LRMDA: variants seen among roughly 807,000 people sequenced by gnomAD.
The protein encoded by LRMDA is leucine-rich melanocyte differentiation-associated protein.
A neutral mutation model predicts 29.8 loss-of-function variants in LRMDA; 18 were observed. The observed-to-expected ratio is 0.60, with a 90% CI of 0.42 to 0.90. The LOEUF is 0.90. LRMDA is among the 40% of genes least tolerant of loss of function. The probability of loss-of-function intolerance (pLI) is 0.00; values close to 1 mark genes in which losing one functional copy is unlikely to be tolerated. For synonymous variants in LRMDA, 125 were observed against 109.4 expected (o/e 1.14, Z -0.89); for missense variants, 273 against 273.9 (o/e 1.00, Z 0.02).
chr10:75,545,352 T>G (rs189577393), intron 2 of LRMDA, among the ~76,000 whole-genome samples: 1 of 152,088 alleles, frequency 6.6e-6, no homozygotes, highest in Non-Finnish European at 1.5e-5. Flanking sequence ...AGAAAAAAAT[T>G]TGAGAATTGT....
chr10:75,959,549 A>G (rs1208057613), intron 2 of LRMDA, among the ~76,000 whole-genome samples: 1 of 152,168 alleles, frequency 6.6e-6, no homozygotes, highest in Non-Finnish European at 1.5e-5. Flanking sequence ...ACTTCTGTAT[A>G]TAATAACTTC....
chr10:75,516,519 T>C (rs1186008416), intron 2 of LRMDA, among the ~76,000 whole-genome samples: 1 of 152,214 alleles, frequency 6.6e-6, no homozygotes, highest in Non-Finnish European at 1.5e-5. Context: ...GAAGTGTCTG[T>C]TCATATCCTT....
At chr10:76,061,076 A>C in intron 5 of LRMDA, among the ~76,000 whole-genome samples, 1 of 152,208 alleles carries the variant, frequency 6.6e-6, no homozygotes, top group East Asian at 1.9e-4. Flanking sequence ...ACATGTGGAT[A>C]TTCCCAGCAA....
intron 2 of LRMDA, among the ~76,000 whole-genome samples, chr10:75,637,795 G>C (rs1019018493): frequency 6.6e-6 from 1 of 152,184 alleles, no homozygotes; most frequent in African/African-American, 2.4e-5. Flanking sequence ...TGCCCAGAGT[G>C]GAATGTGGCA....
chr10:76,278,248 A>G (rs16933155), intron 5 of LRMDA, among the ~76,000 whole-genome samples: 9,987 of 152,220 alleles, frequency 0.066, 905 homozygotes, highest in African/African-American at 0.21. Flanking sequence ...GTGTTTACCC[A>G]ACTCAAAGTA....
intron 2 of LRMDA, among the ~76,000 whole-genome samples, chr10:75,973,021 ACAGCAGCAGCAG>A (rs3042539): frequency 0.065 from 9,611 of 148,908 alleles, 802 homozygotes; most frequent in African/African-American, 0.2. Flanking sequence ...CACTTTAACA[ACAGCAGCAGCAG>A]CAGCAGCAGC....
chr10:76,477,157 G>T (rs992326182), intron 6 of LRMDA, among the ~76,000 whole-genome samples: 1 of 151,976 alleles, frequency 6.6e-6, no homozygotes, highest in Non-Finnish European at 1.5e-5. Flanking sequence ...AAACCCCATC[G>T]TCTCAGCCCA....
At chr10:76,198,683 C>T (rs1851374719) in intron 5 of LRMDA, among the ~76,000 whole-genome samples, 1 of 152,340 alleles carries the variant, frequency 6.6e-6, no homozygotes, top group Middle Eastern at 3.4e-3. Flanking sequence ...GAGCTGCCCC[C>T]AGTCACAGAC....
chr10:76,378,273 G>A (rs531313769), intron 6 of LRMDA, among the ~76,000 whole-genome samples: 2 of 152,212 alleles, frequency 1.3e-5, no homozygotes, highest in Non-Finnish European at 2.9e-5. Context: ...ATCAAATCTA[G>A]GAGTCTTTTG....
chr10:76,075,421 C>T (rs1389900687), intron 5 of LRMDA, among the ~76,000 whole-genome samples: 1 of 152,208 alleles, frequency 6.6e-6, no homozygotes, highest in Non-Finnish European at 1.5e-5. Context: ...GAAACCAGCC[C>T]TGTGGGCACC....
chr10:75,975,740 A>G (rs1428603863), intron 2 of LRMDA, among the ~76,000 whole-genome samples: 2 of 152,206 alleles, frequency 1.3e-5, no homozygotes, highest in African/African-American at 4.8e-5. Flanking sequence ...AATAGAAATC[A>G]TGTCTGCTCA....
intron 2 of LRMDA, among the ~76,000 whole-genome samples, chr10:75,488,187 G>A (rs1844938683): frequency 6.6e-6 from 1 of 152,140 alleles, no homozygotes; most frequent in Admixed American, 6.5e-5. Context: ...GGTTCTTAGA[G>A]GCTTTTCAAC....
intron 5 of LRMDA, among the ~76,000 whole-genome samples, chr10:76,257,997 A>G (rs1478505589): frequency 6.6e-6 from 1 of 152,208 alleles, no homozygotes; most frequent in Non-Finnish European, 1.5e-5. Flanking sequence ...TCCATGCTCA[A>G]GTACCTTTTA....
intron 2 of LRMDA, among the ~76,000 whole-genome samples, chr10:75,853,816 T>G (rs546052561): frequency 5.9e-5 from 9 of 152,342 alleles, no homozygotes; most frequent in African/African-American, 2.2e-4. Context: ...TCCCCAGAAC[T>G]GCCTATCCCA....
intron 5 of LRMDA, among the ~76,000 whole-genome samples, chr10:76,098,296 T>G (rs1166178328): frequency 6.6e-6 from 1 of 152,184 alleles, no homozygotes; most frequent in East Asian, 1.9e-4. Context: ...ATACATTCAT[T>G]AGACATGTAG....
chr10:75,785,685 T>A (rs568448042), intron 2 of LRMDA, among the ~76,000 whole-genome samples: 2 of 152,194 alleles, frequency 1.3e-5, no homozygotes, highest in African/African-American at 2.4e-5. Context: ...TTTCGGGTAA[T>A]GAAGATCTGA....
At chr10:76,032,076 G>C (rs1416698509) in intron 2 of LRMDA, among the ~76,000 whole-genome samples, 1 of 152,196 alleles carries the variant, frequency 6.6e-6, no homozygotes, top group Non-Finnish European at 1.5e-5. Flanking sequence ...GTTTTTGGCT[G>C]GGCAAGGGGC....
intron 6 of LRMDA, among the ~76,000 whole-genome samples, chr10:76,481,179 G>A (rs1842730108): frequency 6.6e-6 from 1 of 151,868 alleles, no homozygotes; most frequent in Admixed American, 6.6e-5. Flanking sequence ...AAACCAAGGA[G>A]ATAAAGCTTA....
rs574215537 is a variant in LRMDA at position 76,175,133 on chromosome 10, A to G, written c.516+116350A>G. Among the ~76,000 whole-genome samples, 57 of 152,212 alleles carry G rather than the reference A, an allele frequency of 3.7e-4. 1 individual carries two copies. The highest frequency in any genetic ancestry group is 6.8e-4 in the Non-Finnish European group (46 of 67,996). On this transcript the variant is annotated intron_variant, in intron 5 of 6. Transcript: ENST00000611255. Reference sequence around the variant, plus strand: ...CGAGACTTCATCTCCAAAAAAAAAGAAGATTGTTCTGAAGCTCAGAGGTGA... The same window carrying G: ...CGAGACTTCATCTCCAAAAAAAAAGGAGATTGTTCTGAAGCTCAGAGGTGA...
Sources: gnomAD v4.1 joint callset for allele counts (sites outside exome capture counted in the v4.1 genomes callset) on GRCh38, gnomAD v4.1.1 for gene constraint, MANE v1.5 for transcripts, NCBI Gene and HGNC (gene_info 2026-07-23, HGNC 2026-07-21) for gene names.